Variants in ADGRL3 observed in about 807,000 individuals in gnomAD.
The protein encoded by ADGRL3 is adhesion G protein-coupled receptor L3.
ADGRL3 carries 62 observed loss-of-function variants against 153.5 expected under a neutral mutation model. The observed-to-expected ratio is 0.40, with a 90% CI of 0.33 to 0.50. The LOEUF (loss-of-function observed/expected upper bound fraction) is 0.50, where lower values mean the gene tolerates loss of function less well. ADGRL3 is among the 20% of genes least tolerant of loss of function. ADGRL3 has a pLI of 0.47. For missense variants in ADGRL3, 1,641 were observed against 1,859.4 expected, an observed-to-expected ratio of 0.88 and a Z score of 2.16; for synonymous variants, 710 against 672.5, an observed-to-expected ratio of 1.06 and a Z score of -0.86.
At chr4:61,634,678 G>A (rs1024670065) in intron 5 of ADGRL3, among the ~76,000 whole-genome samples, 8 of 152,110 alleles carry the variant, frequency 5.3e-5, no homozygotes, top group African/African-American at 1.7e-4. Flanking sequence ...AATGTGATGG[G>A]CTGCTGTTTT....
At chr4:61,734,450 G>A (rs2096483235) in intron 8 of ADGRL3, among the ~76,000 whole-genome samples, 1 of 152,262 alleles carries the variant, frequency 6.6e-6, no homozygotes, top group Non-Finnish European at 1.5e-5. Context: ...ATAGCAGAAG[G>A]TGAGAGAGAA....
chr4:61,465,758 A>AT (rs2097871895), intron 2 of ADGRL3, among the ~76,000 whole-genome samples: 11 of 130,156 alleles, frequency 8.5e-5, no homozygotes, highest in African/African-American at 2.7e-4. Flanking sequence ...ATTATATATA[A>AT]ATATATATAT....
At chr4:61,868,980 A>C (rs1220797466) in intron 9 of ADGRL3, among the ~76,000 whole-genome samples, 1 of 152,252 alleles carries the variant, frequency 6.6e-6, no homozygotes, top group East Asian at 1.9e-4. Context: ...ACCAGGCTAG[A>C]GTATAGCAGC....
intron 21 of ADGRL3, among the ~76,000 whole-genome samples, chr4:62,004,382 A>G (rs1429272183): frequency 6.6e-6 from 1 of 152,008 alleles, no homozygotes; most frequent in Non-Finnish European, 1.5e-5. Flanking sequence ...TATAGTAAAT[A>G]AAAATTTCAT....
At chr4:61,713,642 C>G (rs2096048397) in intron 6 of ADGRL3, among the ~76,000 whole-genome samples, 1 of 151,914 alleles carries the variant, frequency 6.6e-6, no homozygotes, top group Admixed American at 6.6e-5. Context: ...TTACATTATA[C>G]TGAACTAACG....
At position 61,647,455 on chromosome 4, in the gene ADGRL3, G is replaced by C. The variant is rs563635999; in HGVS notation, c.474-29371G>C. 2.6e-5 allele frequency among the ~76,000 whole-genome samples: 4 copies of C among 152,170 alleles called. No homozygotes were observed. In the South Asian group the frequency reaches 6.2e-4, roughly 24 times the overall value. Reference sequence around the variant, plus strand: ...TGAGTACCTGTTTTTTCACACATTGGTAGACAACAATATAAAATCGTGACT... The same window carrying C: ...TGAGTACCTGTTTTTTCACACATTGCTAGACAACAATATAAAATCGTGACT... On this transcript the variant is annotated intron_variant, in intron 5 of 26. Coordinates refer to ENST00000683033, the MANE Select transcript of ADGRL3 (RefSeq NM_001387552.1).
At chr4:61,946,522 T>G (rs1298044569) in intron 15 of ADGRL3, among the ~76,000 whole-genome samples, 1 of 152,154 alleles carries the variant, frequency 6.6e-6, no homozygotes, top group Non-Finnish European at 1.5e-5. Flanking sequence ...ATTGTTGGTT[T>G]TGATAAAGTT....
intron 13 of ADGRL3, among the ~76,000 whole-genome samples, chr4:61,928,749 A>C (rs1210802675): frequency 6.6e-6 from 1 of 152,134 alleles, no homozygotes; most frequent in Non-Finnish European, 1.5e-5. Context: ...CTCCCTCCCA[A>C]ATCATGGTGA....
At chr4:62,064,963 A>G (rs1742228245) in intron 25 of ADGRL3, among the ~76,000 whole-genome samples, 1 of 152,098 alleles carries the variant, frequency 6.6e-6, no homozygotes, top group Non-Finnish European at 1.5e-5. Flanking sequence ...CTTAAGGGAT[A>G]TATGTCTTTA....
At chr4:61,898,600 A>G (rs542677206) in intron 11 of ADGRL3, among the ~76,000 whole-genome samples, 1 of 151,222 alleles carries the variant, frequency 6.6e-6, no homozygotes, top group Non-Finnish European at 1.5e-5. Flanking sequence ...GAAGACTGGA[A>G]GGCTAGAAAT....
At chr4:61,508,574 G>C (rs1268819154) in intron 3 of ADGRL3, among the ~76,000 whole-genome samples, 2 of 152,006 alleles carry the variant, frequency 1.3e-5, no homozygotes, top group African/African-American at 2.4e-5. Flanking sequence ...CATCTGTTAA[G>C]TTATTTATTT....
intron 5 of ADGRL3, among the ~76,000 whole-genome samples, chr4:61,627,641 A>G (rs1054132085): frequency 9.2e-5 from 14 of 152,086 alleles, no homozygotes; most frequent in African/African-American, 2.7e-4. Context: ...AAACAAATAA[A>G]GAAACACAAA....
intron 1 of ADGRL3, among the ~76,000 whole-genome samples, chr4:61,313,559 G>T (rs754674732): frequency 8.9e-4 from 136 of 152,092 alleles, no homozygotes; most frequent in Non-Finnish European, 1.1e-3. Context: ...ATAGGATTTT[G>T]GAAACTGTGA....
chr4:61,759,450 C>G (rs1179260608), intron 8 of ADGRL3, among the ~76,000 whole-genome samples: 1 of 152,214 alleles, frequency 6.6e-6, no homozygotes, highest in Non-Finnish European at 1.5e-5. Context: ...ACGCTTTCTT[C>G]CAGTTGATCA....
rs2148665866 is a variant in ADGRL3 at position 61,200,586 on chromosome 4, C to A, written c.-1419C>A. Among the ~76,000 whole-genome samples the A allele has an allele frequency of 6.6e-6, 1 of 152,210 alleles. No homozygotes were observed. The highest frequency in any genetic ancestry group is 1.9e-4 in the East Asian group (1 of 5,132). On this transcript the variant is annotated 5_prime_UTR_variant, in exon 1 of 27. Coordinates refer to ENST00000683033, the MANE Select transcript of ADGRL3 (RefSeq NM_001387552.1). ...GCTCCGGCAGCTGCTGCCGCCGCCA[C>A]CGCCGCCTGTGACTCGCCCCCTCCC... is the stretch of plus-strand genomic sequence containing the variant.
intron 3 of ADGRL3, among the ~76,000 whole-genome samples, chr4:61,514,880 T>C (rs2098483510): frequency 6.6e-6 from 1 of 152,190 alleles, no homozygotes; most frequent in Non-Finnish European, 1.5e-5. Flanking sequence ...TTTTTTCATT[T>C]AGATACAGGC....
At chr4:61,930,879 G>A (rs1015776018) in intron 13 of ADGRL3, among the ~76,000 whole-genome samples, 1 of 151,912 alleles carries the variant, frequency 6.6e-6, no homozygotes, top group African/African-American at 2.4e-5. Context: ...TTGAGCTTAT[G>A]AAAATAATGC....
intron 4 of ADGRL3, among the ~76,000 whole-genome samples, chr4:61,541,571 C>G (rs970777450): frequency 6.6e-6 from 1 of 151,788 alleles, no homozygotes; most frequent in African/African-American, 2.4e-5. Flanking sequence ...TAGCTGAACT[C>G]CAAAGTCATT....
chr4:61,455,280 T>C (rs1221048878), intron 2 of ADGRL3, among the ~76,000 whole-genome samples: 1 of 152,150 alleles, frequency 6.6e-6, no homozygotes, highest in Non-Finnish European at 1.5e-5. Flanking sequence ...CGAAGCAGTA[T>C]GACTAAAAAT....
Sources: gnomAD v4.1 joint callset for allele counts (sites outside exome capture counted in the v4.1 genomes callset) on GRCh38, gnomAD v4.1.1 for gene constraint, MANE v1.5 for transcripts, NCBI Gene and HGNC (gene_info 2026-07-23, HGNC 2026-07-21) for gene names.